Variants in RTN1 observed in about 807,000 individuals in gnomAD.
RTN1 encodes reticulon-1.
In RTN1, 25 loss-of-function variants were observed where a neutral mutation model predicts 65.5. That is an observed-to-expected ratio of 0.38 (90% CI 0.28 to 0.53). RTN1 has a LOEUF of 0.53. Among genes scored for constraint, RTN1 ranks in the 20% least tolerant of loss-of-function variants. The probability of loss-of-function intolerance (pLI) is 0.79; values close to 1 mark genes in which losing one functional copy is unlikely to be tolerated. For missense variants in RTN1, 983 were observed against 1,025.4 expected, an observed-to-expected ratio of 0.96 and a Z score of 0.57; for synonymous variants, 471 against 447.6, an observed-to-expected ratio of 1.05 and a Z score of -0.66.
rs1394983506 is a variant in RTN1, at chr14:59,825,753, A to G, written c.241+44637T>C. 2.0e-5 allele frequency among the ~76,000 whole-genome samples: 3 copies of G among 152,352 alleles called. No individual in the cohort carries two copies. The highest frequency in any genetic ancestry group is 2.1e-4 in the South Asian group (1 of 4,830). On this transcript the variant is annotated intron_variant, in intron 1 of 8. Coordinates refer to ENST00000267484, the MANE Select transcript of RTN1 (RefSeq NM_021136.3). This position sits in a 1 kb window ranked among gnomAD's most constrained non-coding sequence, Gnocchi z 4.2. ...TCCTCAGTGCCCCATCTTACTCTCC[A>G]TTTTAGAGAAAATAAAACATAGACC...
At chr14:59,716,467 T>C (rs1027290155) in intron 3 of RTN1, among the ~76,000 whole-genome samples, 5 of 152,248 alleles carry the variant, frequency 3.3e-5, no homozygotes, top group Admixed American at 1.3e-4. Flanking sequence ...TACAACTAAT[T>C]CTGCTGAAAA....
intron 1 of RTN1, among the ~76,000 whole-genome samples, chr14:59,781,010 T>C (rs1886145291): frequency 6.6e-6 from 1 of 152,234 alleles, no homozygotes; most frequent in South Asian, 2.1e-4. Flanking sequence ...TGTTTATCAG[T>C]ATGTAATAAC....
intron 1 of RTN1, among the ~76,000 whole-genome samples, chr14:59,773,540 C>T (rs888508069): frequency 7.9e-5 from 12 of 152,090 alleles, no homozygotes; most frequent in Non-Finnish European, 1.2e-4. Context: ...TTCTAATTTC[C>T]ATTAAGCCTT....
chr14:59,597,967 G>A (rs1278115510), intron 8 of RTN1, among the ~76,000 whole-genome samples: 3 of 152,146 alleles, frequency 2.0e-5, no homozygotes, highest in Non-Finnish European at 4.4e-5. Flanking sequence ...GTGGGATGCG[G>A]TGAGGAGTTT....
Position 59,870,669 on chromosome 14 carries a change from G to A in RTN1, c.-39C>T. 7.5e-7 allele frequency: 1 copy of A among 1,337,514 alleles called. No homozygotes were observed. Among genetic ancestry groups the A allele is most frequent in the Non-Finnish European group, 9.5e-7 (1 of 1,052,900 alleles). The allele number at this position is 1,337,514 out of a possible 1,614,324, so 82.9% of individuals were successfully genotyped here. A position where few individuals can be genotyped will look rare whatever the true frequency, so the allele number is the denominator to read the frequency against. ...CCGGCGCGGCGACGGCGGCTTGGCT[G>A]GGCAGAGGCTCGGTGGCTGCGCGGG... is the stretch of plus-strand genomic sequence containing the variant. On this transcript the variant is annotated 5_prime_UTR_variant, in exon 1 of 9. Coordinates refer to ENST00000267484, the MANE Select transcript of RTN1 (RefSeq NM_021136.3). The surrounding 1 kb of genome is among the most constrained non-coding windows in gnomAD (Gnocchi z 5.1).
At chr14:59,795,312 G>T (rs554081439) in intron 1 of RTN1, among the ~76,000 whole-genome samples, 1 of 152,200 alleles carries the variant, frequency 6.6e-6, no homozygotes, top group African/African-American at 2.4e-5. Flanking sequence ...AGATACTTTG[G>T]TTTTTTTAAC....
At chr14:59,616,761 A>G (rs1882112862) in intron 3 of RTN1, among the ~76,000 whole-genome samples, 1 of 152,206 alleles carries the variant, frequency 6.6e-6, no homozygotes, top group Admixed American at 6.5e-5. Context: ...AATCAGATAT[A>G]CGACTCTTAA....
At chr14:59,755,774 T>G (rs1288801966) in intron 1 of RTN1, among the ~76,000 whole-genome samples, 1 of 152,212 alleles carries the variant, frequency 6.6e-6, no homozygotes, top group Non-Finnish European at 1.5e-5. Flanking sequence ...GTACACCCAT[T>G]TTTAATCAGT....
chr14:59,858,875 TGAA>T (rs1887656170), intron 1 of RTN1, among the ~76,000 whole-genome samples: 1 of 152,166 alleles, frequency 6.6e-6, no homozygotes, highest in South Asian at 2.1e-4. Flanking sequence ...CAGTAAAAAA[TGAA>T]GAAGATAATT....
chr14:59,847,286 T>C (rs986635373), intron 1 of RTN1, among the ~76,000 whole-genome samples: 3 of 152,208 alleles, frequency 2.0e-5, no homozygotes, highest in African/African-American at 7.2e-5. Context: ...GGCAGGTAAG[T>C]GTATAACAAT....
At chr14:59,745,552 T>G (rs1008746692) in intron 2 of RTN1, among the ~76,000 whole-genome samples, 156 bp downstream of exon 2, 3 of 152,126 alleles carry the variant, frequency 2.0e-5, no homozygotes, top group African/African-American at 7.2e-5. Flanking sequence ...ATTGAAAACT[T>G]TGAATATTAA....
intron 1 of RTN1, among the ~76,000 whole-genome samples, chr14:59,768,260 C>A (rs1885887144): frequency 6.6e-6 from 1 of 152,194 alleles, no homozygotes. Context: ...AGCACATTTA[C>A]AAAGTACAAC....
At position 59,746,376 on chromosome 14, in the gene RTN1, G is replaced by A. The variant is rs759808780; in HGVS notation, c.347C>T (p.Pro116Leu). Reference protein sequence around the residue: ...TSLISDICYPPQEDSTYFTGI... With the variant: ...TSLISDICYPLQEDSTYFTGI... Reference sequence around the variant, plus strand: ...AGTAAAATATGTAGAATCCTCCTGAGGTGGATAGCAGATGTCAGAAATGAG... The same window carrying A: ...AGTAAAATATGTAGAATCCTCCTGAAGTGGATAGCAGATGTCAGAAATGAG... The change falls in exon 2 of 9, where the codon CCT becomes CTT. Residue 116 changes from proline (P) to leucine (L), a missense_variant. Coordinates refer to ENST00000267484, the MANE Select transcript of RTN1 (RefSeq NM_021136.3). The A allele has an allele frequency of 3.1e-6, 5 of 1,614,122 alleles. No homozygotes were observed. The highest frequency in any genetic ancestry group is 4.2e-6 in the Non-Finnish European group (5 of 1,180,006).
intron 3 of RTN1, among the ~76,000 whole-genome samples, chr14:59,715,569 T>C (rs930761239): frequency 2.0e-5 from 3 of 152,204 alleles, no homozygotes; most frequent in African/African-American, 7.2e-5. Context: ...CTCACGCCTG[T>C]AATCCCAGCA....
intron 3 of RTN1, among the ~76,000 whole-genome samples, chr14:59,725,627 A>G (rs905416943): frequency 6.6e-6 from 1 of 152,158 alleles, no homozygotes; most frequent in African/African-American, 2.4e-5. Context: ...CTTTAAGAAG[A>G]GCTATTTGGG....
In RTN1 at chr14:59,727,492, G is replaced by C. The variant is rs544110503; in HGVS notation, c.1192C>G (p.Pro398Ala). 3.1e-6 allele frequency: 5 copies of C among 1,589,822 alleles called. No individual in the cohort carries two copies. Among genetic ancestry groups the C allele is most frequent in the Non-Finnish European group, 4.3e-6 (5 of 1,168,770 alleles). Reference sequence around the variant, plus strand: ...GCGCTGCTGGCCTCGTGGTCCAGGGGGCTGGGGATGGTTGGCGGTCCGGAC... The same window carrying C: ...GCGCTGCTGGCCTCGTGGTCCAGGGCGCTGGGGATGGTTGGCGGTCCGGAC... The part of the protein sequence containing the change: ...ARSGPPTIPS[P>A]LDHEASSAES... Residue 398 changes from proline to alanine, a missense_variant, in exon 3 of 9, where the codon CCC (proline) becomes GCC (alanine). Transcript: ENST00000267484. The surrounding 1 kb of genome is among the most constrained non-coding windows in gnomAD (Gnocchi z 4.2).
intron 1 of RTN1, among the ~76,000 whole-genome samples, chr14:59,767,571 C>T (rs745688926): frequency 9.2e-5 from 14 of 152,086 alleles, no homozygotes; most frequent in South Asian, 2.1e-4. Flanking sequence ...GCAAATAAAA[C>T]GACTGAGAAT....
chr14:59,700,334 C>G (rs947036492), intron 3 of RTN1, among the ~76,000 whole-genome samples: 1 of 152,048 alleles, frequency 6.6e-6, no homozygotes, highest in African/African-American at 2.4e-5. Flanking sequence ...CAGTTCCTAT[C>G]AAGGTACAAG....
At chr14:59,648,757 C>G (rs1034383255) in intron 3 of RTN1, among the ~76,000 whole-genome samples, 2 of 152,154 alleles carry the variant, frequency 1.3e-5, no homozygotes, top group Admixed American at 1.3e-4. Flanking sequence ...TAAAAACTCT[C>G]AATAAACTTT....
Sources: gnomAD v4.1 joint callset for allele counts (sites outside exome capture counted in the v4.1 genomes callset) on GRCh38, gnomAD v4.1.1 for gene constraint, Gnocchi (gnomAD v3.1) non-coding constraint, MANE v1.5 for transcripts, NCBI Gene and HGNC (gene_info 2026-07-23, HGNC 2026-07-21) for gene names.